Variants in IPO8 observed in about 807,000 individuals in gnomAD.
IPO8 encodes the protein importin 8.
IPO8 carries 65 observed loss-of-function variants against 141.2 expected under a neutral mutation model. That is an observed-to-expected ratio of 0.46 (90% CI 0.38 to 0.57). The LOEUF is 0.57. Among genes scored for constraint, IPO8 ranks in the 20% least tolerant of loss-of-function variants. The probability of loss-of-function intolerance (pLI) is 0.00; values close to 1 mark genes in which losing one functional copy is unlikely to be tolerated. For synonymous variants in IPO8, 411 were observed against 420.3 expected, an observed-to-expected ratio of 0.98 and a Z score of 0.27; for missense variants, 980 against 1,246.8, an observed-to-expected ratio of 0.79 and a Z score of 3.22.
chr12:30,659,931 T>C (rs1476621242), intron 16 of IPO8, among the ~76,000 whole-genome samples: 2 of 149,500 alleles, frequency 1.3e-5, no homozygotes, highest in African/African-American at 4.9e-5. Flanking sequence ...CTATTTAAAG[T>C]AGTAGTAGCA....
At chr12:30,654,207 T>C (rs2052765834) in intron 17 of IPO8, among the ~76,000 whole-genome samples, 1 of 151,890 alleles carries the variant, frequency 6.6e-6, no homozygotes, top group Non-Finnish European at 1.5e-5. Context: ...CTACTTGAAA[T>C]TAATTAAATA....
At position 30,653,025 on chromosome 12, in the gene IPO8, C is replaced by G; in HGVS notation, c.2016G>C (p.Trp672Cys). ...CTTCATATAGTATACCTAGAAGCTGCCACATTTGAGGGGAAATACTGTGGC... is the reference window on the plus strand; with the variant it reads ...CTTCATATAGTATACCTAGAAGCTGGCACATTTGAGGGGAAATACTGTGGC... The part of the protein sequence containing the change: ...LTCHSISPQM[W>C]QLLGILYEVF... The change falls in exon 18 of 25, where the codon TGG becomes TGC. Residue 672 changes from tryptophan (W) to cysteine (C), a missense_variant. Coordinates refer to ENST00000256079, the MANE Select transcript of IPO8 (RefSeq NM_006390.4). 6.2e-7 allele frequency: 1 copy of G among 1,611,854 alleles called. No individual in the cohort carries two copies. Among genetic ancestry groups the G allele is most frequent in the Non-Finnish European group, 8.5e-7 (1 of 1,178,630 alleles).
At chr12:30,667,770 T>C (rs2052987519) in intron 10 of IPO8, among the ~76,000 whole-genome samples, 1 of 152,210 alleles carries the variant, frequency 6.6e-6, no homozygotes, top group South Asian at 2.1e-4. Context: ...AAAACTAGGG[T>C]ATGTATACCT....
intron 14 of IPO8, among the ~76,000 whole-genome samples, chr12:30,663,090 TAGGGGA>T (rs2052911810): frequency 6.6e-6 from 1 of 152,170 alleles, no homozygotes; most frequent in Admixed American, 6.5e-5. Context: ...CTTTCAAAAC[TAGGGGA>T]ATCAGAATCC....
chr12:30,692,680 T>C (rs1040821582), intron 1 of IPO8, among the ~76,000 whole-genome samples: 9 of 152,162 alleles, frequency 5.9e-5, no homozygotes, highest in African/African-American at 9.7e-5. Flanking sequence ...TTAACCTTTC[T>C]AGTCCTCCAG....
At chr12:30,679,530 T>G (rs2053163434) in intron 5 of IPO8, among the ~76,000 whole-genome samples, 1 of 152,096 alleles carries the variant, frequency 6.6e-6, no homozygotes, top group Non-Finnish European at 1.5e-5. Flanking sequence ...GTTTCTTCTC[T>G]TCTCACATTT....
Position 30,637,075 on chromosome 12 carries a change from G to C in IPO8, c.2602C>G (p.Leu868Val), listed in dbSNP as rs544303001. Reference sequence around the variant, plus strand: ...CAGACCTGCTTTAGGCCAAGGAAAAGGAAAAGAATTGAGGGAACAATCTGT... The same window carrying C: ...CAGACCTGCTTTAGGCCAAGGAAAACGAAAAGAATTGAGGGAACAATCTGT... ...VGQIVPSILF[L>V]FLGLKQVCAT... Residue 868 changes from leucine (L) to valine (V), a missense_variant, in exon 22 of 25, where the codon CTT becomes GTT. Around this residue, in one of 3 missense-constraint regions of IPO8, gnomAD observed 924 missense variants for 1,153.9 expected, o/e 0.80. Coordinates refer to ENST00000256079, the MANE Select transcript of IPO8 (RefSeq NM_006390.4). The C allele has an allele frequency of 3.7e-6, 6 of 1,614,022 alleles. No homozygotes were observed. The African/African-American group carries it at 4.0e-5, about 11-fold the overall frequency.
chr12:30,685,790 T>C (rs1436319690), intron 2 of IPO8, among the ~76,000 whole-genome samples: 2 of 149,602 alleles, frequency 1.3e-5, no homozygotes, highest in African/African-American at 4.9e-5. Flanking sequence ...CCAAGCATGG[T>C]GGCAGGTACC....
chr12:30,666,278 G>C (rs780709773), intron 10 of IPO8, 27 bp from the exon 11 acceptor site: 14 of 1,466,274 alleles, frequency 9.5e-6, no homozygotes, highest in Non-Finnish European at 1.1e-5. Flanking sequence ...TTAAAACCAT[G>C]TTAGTGAAAA....
chr12:30,639,395 ATACAC>A, intron 21 of IPO8, 115 bp downstream of exon 21: 1 of 659,248 alleles, frequency 1.5e-6, no homozygotes, highest in Non-Finnish European at 2.6e-6. Flanking sequence ...AATATTAACA[ATACAC>A]TAAAAATAAT....
chr12:30,659,623 G>A (rs2136146985), intron 16 of IPO8, among the ~76,000 whole-genome samples: 1 of 152,024 alleles, frequency 6.6e-6, no homozygotes, highest in South Asian at 2.1e-4. Context: ...AGGCCGAGGT[G>A]GGCGGATCAC....
chr12:30,668,830 G>A (rs1195608074), intron 10 of IPO8, among the ~76,000 whole-genome samples: 2 of 152,142 alleles, frequency 1.3e-5, no homozygotes, highest in East Asian at 3.9e-4. Flanking sequence ...AAAATATGCA[G>A]AAATCCAAAG....
At chr12:30,673,599 A>G (rs2053080230) in intron 8 of IPO8, among the ~76,000 whole-genome samples, 1 of 152,230 alleles carries the variant, frequency 6.6e-6, no homozygotes, top group African/African-American at 2.4e-5. Flanking sequence ...CATACAGACC[A>G]ATTCATATTA....
rs1362745377 is a variant in IPO8 at position 30,656,667 on chromosome 12, T to A, written c.1948+17A>T. On this transcript the variant is annotated intron_variant, in intron 17 of 24. Transcript: ENST00000256079. Reference sequence around the variant, plus strand: ...AAATTTTTTCAATTTATCTTTTTATTTAACCTTTGAACTTACCAATTACAT... The same window carrying A: ...AAATTTTTTCAATTTATCTTTTTATATAACCTTTGAACTTACCAATTACAT... The A allele has an allele frequency of 1.4e-6, 2 of 1,475,964 alleles. No individual in the cohort carries two copies. The highest frequency in any genetic ancestry group is 9.2e-7 in the Non-Finnish European group (1 of 1,085,084). The allele number at this position is 1,475,964 out of a possible 1,614,324, so 91.4% of individuals were successfully genotyped here.
chr12:30,637,722 A>G (rs1201330669), intron 21 of IPO8, among the ~76,000 whole-genome samples: 1 of 152,206 alleles, frequency 6.6e-6, no homozygotes. Context: ...TAAGAAAAAT[A>G]TAAGGACAAG....
intron 20 of IPO8, among the ~76,000 whole-genome samples, chr12:30,644,994 G>A (rs937727888): frequency 6.6e-6 from 1 of 152,008 alleles, no homozygotes; most frequent in Non-Finnish European, 1.5e-5. Flanking sequence ...CCATCATAAT[G>A]CTTAAAGAAT....
intron 18 of IPO8, 24 bp from the exon 19 acceptor site, chr12:30,652,313 T>C: frequency 7.7e-7 from 1 of 1,295,896 alleles, no homozygotes; most frequent in South Asian, 1.2e-5. Flanking sequence ...AAAATCCCAA[T>C]GAGACTTGAG....
intron 3 of IPO8, 108 bp downstream of exon 3, chr12:30,684,193 C>A (rs886848256): frequency 2.2e-6 from 2 of 913,020 alleles, no homozygotes; most frequent in East Asian, 5.0e-5. Context: ...ATTACTTTAC[C>A]TCTTTAGAAA....
At chr12:30,675,671 A>G (rs1226207696) in intron 6 of IPO8, among the ~76,000 whole-genome samples, 1 of 151,104 alleles carries the variant, frequency 6.6e-6, no homozygotes, top group Non-Finnish European at 1.5e-5. Flanking sequence ...ACTAAAAAAA[A>G]AAACAAAAAA....
Sources: gnomAD v4.1 joint callset for allele counts (sites outside exome capture counted in the v4.1 genomes callset) on GRCh38, gnomAD v4.1.1 for gene constraint, gnomAD v4.1.1 regional missense constraint, MANE v1.5 for transcripts, NCBI Gene and HGNC (gene_info 2026-07-23, HGNC 2026-07-21) for gene names.